Variants in LPP observed in about 807,000 individuals in gnomAD.
LPP encodes LIM domain containing preferred translocation partner in lipoma.
A neutral mutation model predicts 60.4 loss-of-function variants in LPP; 38 were observed. That is an observed-to-expected ratio of 0.63 (90% CI 0.49 to 0.83). LPP has a LOEUF of 0.83. LPP is among the 40% of genes least tolerant of loss of function. The pLI, the probability that LPP is intolerant of heterozygous loss-of-function variation, is 0.00. For missense variants in LPP, 902 were observed against 783.6 expected (o/e 1.15, Z -1.80); for synonymous variants, 328 against 290.8 (o/e 1.13, Z -1.30).
intron 9 of LPP, among the ~76,000 whole-genome samples, chr3:188,830,871 GT>G (rs1227542334): frequency 6.6e-6 from 1 of 152,178 alleles, no homozygotes; most frequent in African/African-American, 2.4e-5. Context: ...ACCCTGGATT[GT>G]TGTTGAGTCC....
In LPP at chr3:188,490,623, C is replaced by G. The variant is rs529952633; in HGVS notation, c.306+5919C>G. Among the ~76,000 whole-genome samples, 3 of 152,178 alleles carry G rather than the reference C, an allele frequency of 2.0e-5. No homozygotes were observed. In the South Asian group the frequency reaches 6.2e-4, roughly 32 times the overall value. On this transcript the variant is annotated intron_variant, in intron 5 of 11. Transcript: ENST00000617246. Reference sequence around the variant, plus strand: ...GGGTGATCCGCCCACCTCGGCCCCACGAAGTGCTAGGATTACAGGTATGAG... The same window carrying G: ...GGGTGATCCGCCCACCTCGGCCCCAGGAAGTGCTAGGATTACAGGTATGAG...
intron 9 of LPP, among the ~76,000 whole-genome samples, chr3:188,763,193 AG>A (rs1732976141): frequency 6.6e-6 from 1 of 152,064 alleles, no homozygotes; most frequent in Non-Finnish European, 1.5e-5. Flanking sequence ...GATGTCTAAA[AG>A]GTATTCCATA....
intron 1 of LPP, among the ~76,000 whole-genome samples, chr3:188,222,993 G>T (rs1372485183): frequency 5.3e-5 from 8 of 152,164 alleles, no homozygotes; most frequent in Non-Finnish European, 2.9e-5. Context: ...TGGGCAACAT[G>T]TGGAAGAGGT....
Position 188,887,903 on chromosome 3 carries a change from A to G in LPP, c.*13424A>G, listed in dbSNP as rs2152104123. On this transcript the variant is annotated 3_prime_UTR_variant, in exon 12 of 12. Coordinates refer to ENST00000617246, the MANE Select transcript of LPP (RefSeq NM_001375462.1). The stretch of plus-strand genomic sequence containing the variant: ...CAAGACTCATTTCTTTATTAGGCAA[A>G]GTCAGAATATTTCCCCTCTGAAAAT... 1 of 211,180 alleles carries G rather than the reference A, an allele frequency of 4.7e-6. No individual in the cohort carries two copies. The highest frequency in any genetic ancestry group is 7.2e-5 in the East Asian group (1 of 13,904). 13.1% of individuals were successfully genotyped at this position (211,180 alleles called of 1,614,324 possible).
At chr3:188,650,884 T>G (rs80011709) in intron 7 of LPP, among the ~76,000 whole-genome samples, 5,616 of 152,282 alleles carry the variant, frequency 0.037, 351 homozygotes, top group African/African-American at 0.13. Flanking sequence ...ATGTCTGATT[T>G]CTGTCTACTT....
intron 7 of LPP, among the ~76,000 whole-genome samples, chr3:188,693,996 TTTC>T (rs1346280660): frequency 1.3e-5 from 2 of 152,216 alleles, no homozygotes; most frequent in Non-Finnish European, 2.9e-5. Flanking sequence ...GACACTCAGT[TTTC>T]TTCTTATAAA....
chr3:188,650,320 A>T (rs1047340856), intron 7 of LPP, among the ~76,000 whole-genome samples: 5 of 152,198 alleles, frequency 3.3e-5, no homozygotes, highest in Admixed American at 3.3e-4. Context: ...CCATGCTGAA[A>T]ATGATTTTTT....
At chr3:188,655,296 C>G (rs749658653) in intron 7 of LPP, among the ~76,000 whole-genome samples, 20 of 151,846 alleles carry the variant, frequency 1.3e-4, no homozygotes, top group Non-Finnish European at 2.2e-4. Context: ...TCTAGCAGCA[C>G]GTTAAAAAGT....
intron 1 of LPP, among the ~76,000 whole-genome samples, chr3:188,178,323 TC>T (rs1723697494): frequency 6.6e-6 from 1 of 152,202 alleles, no homozygotes; most frequent in Admixed American, 6.5e-5. Context: ...GTCCTAGTTC[TC>T]CTCCTCACGC....
At chr3:188,527,314 C>T (rs13062558) in intron 6 of LPP, among the ~76,000 whole-genome samples, 62,920 of 140,812 alleles carry the variant, frequency 0.45, 14,667 homozygotes, top group East Asian at 0.92. Flanking sequence ...CACGCCACTG[C>T]GCTCCAGCCT....
intron 6 of LPP, among the ~76,000 whole-genome samples, chr3:188,556,249 G>T (rs978375729): frequency 6.6e-6 from 1 of 152,060 alleles, no homozygotes; most frequent in African/African-American, 2.4e-5. Flanking sequence ...CTCTGGAGTT[G>T]CCCTGTCTGA....
At chr3:188,248,522 A>C (rs1465555832) in intron 2 of LPP, among the ~76,000 whole-genome samples, 1 of 137,324 alleles carries the variant, frequency 7.3e-6, no homozygotes, top group African/African-American at 2.7e-5. Flanking sequence ...TTGTTTTGGA[A>C]TCAGAGGGCT....
rs1345679371 is a variant in LPP, at chr3:188,586,734, T to TTG, written c.430-22426_430-22425insGT. 5.3e-5 allele frequency among the ~76,000 whole-genome samples: 8 copies of TTG among 150,338 alleles called. No individual in the cohort carries two copies. The East Asian group carries it at 7.8e-4, about 15-fold the overall frequency. ...TAGCAAAATAGTCCTTAAACATTGT[T>TTG]TTTTTTTTTTTTAAGTTGGAGTCTC... On this transcript the variant is annotated intron_variant, in intron 6 of 11. Coordinates refer to ENST00000617246, the MANE Select transcript of LPP (RefSeq NM_001375462.1).
At chr3:188,523,628 G>C (rs1425552707) in intron 5 of LPP, among the ~76,000 whole-genome samples, 1 of 152,130 alleles carries the variant, frequency 6.6e-6, no homozygotes, top group Non-Finnish European at 1.5e-5. Flanking sequence ...CTAGTTTCTT[G>C]GTTGGTTAAT....
In LPP at chr3:188,405,525, A is replaced by G. The variant is rs149541292; in HGVS notation, c.-9-587A>G. ...ACATTTTTCAGGTTCAACCCTACTT[A>G]GCACTCAAACCCAGTCTGTATATCA... On this transcript the variant is annotated intron_variant, in intron 3 of 11. Coordinates refer to ENST00000617246, the MANE Select transcript of LPP (RefSeq NM_001375462.1). Among the ~76,000 whole-genome samples the G allele has an allele frequency of 6.0e-3, 909 of 152,186 alleles. 8 individuals carry two copies. Among genetic ancestry groups the G allele is most frequent in the African/African-American group, 0.021 (853 of 41,520 alleles).
chr3:188,469,895 A>T (rs1429677406), intron 4 of LPP, among the ~76,000 whole-genome samples: 1 of 152,160 alleles, frequency 6.6e-6, no homozygotes, highest in Non-Finnish European at 1.5e-5. Context: ...TTTATGTAGG[A>T]CATTATAGTT....
At chr3:188,289,498 A>G (rs1246349151) in intron 2 of LPP, among the ~76,000 whole-genome samples, 1 of 152,162 alleles carries the variant, frequency 6.6e-6, no homozygotes, top group Non-Finnish European at 1.5e-5. Flanking sequence ...TTTTTTAACA[A>G]TCATATGAAA....
intron 6 of LPP, among the ~76,000 whole-genome samples, chr3:188,602,178 A>T (rs1304686027): frequency 3.0e-5 from 3 of 100,720 alleles, no homozygotes; most frequent in East Asian, 2.2e-4. Context: ...TATATATATT[A>T]TATATATATA....
At chr3:188,204,398 C>T (rs551929761) in intron 1 of LPP, among the ~76,000 whole-genome samples, 3 of 152,128 alleles carry the variant, frequency 2.0e-5, no homozygotes, top group South Asian at 2.1e-4. Flanking sequence ...TAGGATGTGC[C>T]GGGAATCTTG....
Sources: gnomAD v4.1 joint callset for allele counts (sites outside exome capture counted in the v4.1 genomes callset) on GRCh38, gnomAD v4.1.1 for gene constraint, MANE v1.5 for transcripts, NCBI Gene and HGNC (gene_info 2026-07-23, HGNC 2026-07-21) for gene names.